PCDH15: variants seen among roughly 807,000 people sequenced by gnomAD.
The protein encoded by PCDH15 is protocadherin related 15, also known as protocadherin-15.
Under a neutral mutation model 178.5 loss-of-function variants are expected in PCDH15, and 129 were observed. The observed-to-expected ratio is 0.72, with a 90% confidence interval of 0.63 to 0.84. The LOEUF is 0.84. Among genes scored for constraint, PCDH15 ranks in the 40% least tolerant of loss-of-function variants. The probability of loss-of-function intolerance (pLI) is 0.00; values close to 1 mark genes in which losing one functional copy is unlikely to be tolerated. For missense variants in PCDH15, 2,230 were observed against 2,099.9 expected (o/e 1.06, Z -1.21); for synonymous variants, 800 against 732.0 (o/e 1.09, Z -1.50).
chr10:53,994,382 G>C (rs1487729012), intron 21 of PCDH15, among the ~76,000 whole-genome samples: 2 of 152,020 alleles, frequency 1.3e-5, no homozygotes, highest in African/African-American at 4.8e-5. Context: ...ATTTATTACA[G>C]AGTGTTATGG....
intron 9 of PCDH15, among the ~76,000 whole-genome samples, chr10:54,233,224 G>A (rs2054265776): frequency 6.6e-6 from 1 of 152,130 alleles, no homozygotes; most frequent in Admixed American, 6.6e-5. Context: ...AATTACATGT[G>A]TGAGTCACCA....
At chr10:55,185,798 T>C (rs1839783631) in intron 1 of PCDH15, among the ~76,000 whole-genome samples, 1 of 151,706 alleles carries the variant, frequency 6.6e-6, no homozygotes, top group South Asian at 2.1e-4. Flanking sequence ...ATATTGAGTT[T>C]TGTTATATGA....
chr10:54,623,213 T>C (rs1347100096), intron 2 of PCDH15, among the ~76,000 whole-genome samples: 1 of 152,086 alleles, frequency 6.6e-6, no homozygotes, highest in Non-Finnish European at 1.5e-5. Context: ...ACGACATCAA[T>C]TAATGAAGTA....
intron 9 of PCDH15, among the ~76,000 whole-genome samples, chr10:54,218,509 T>A (rs942036917): frequency 6.6e-6 from 1 of 151,250 alleles, no homozygotes; most frequent in Non-Finnish European, 1.5e-5. Context: ...GTTCTCTTTG[T>A]CTCTCTTTCT....
intron 2 of PCDH15, among the ~76,000 whole-genome samples, chr10:55,338,059 C>T (rs867229405): frequency 6.6e-6 from 1 of 152,058 alleles, no homozygotes; most frequent in South Asian, 2.1e-4. Flanking sequence ...AAAAAAAGCT[C>T]AACATTAATA....
chr10:53,810,222 G>A (rs2075816012), intron 37 of PCDH15, among the ~76,000 whole-genome samples: 1 of 152,056 alleles, frequency 6.6e-6, no homozygotes, highest in Non-Finnish European at 1.5e-5. Context: ...GATAATGTGG[G>A]AGCAAAAGTA....
At chr10:54,817,645 T>C (rs1049408551) in intron 3 of PCDH15, among the ~76,000 whole-genome samples, 50 of 151,994 alleles carry the variant, frequency 3.3e-4, no homozygotes, top group African/African-American at 1.2e-3. Context: ...ATCAAGTCAT[T>C]TGCATTAAAA....
intron 9 of PCDH15, among the ~76,000 whole-genome samples, chr10:54,234,009 C>A (rs565151883): frequency 6.6e-6 from 1 of 152,014 alleles, no homozygotes; most frequent in African/African-American, 2.4e-5. Context: ...GGAGAGGAGT[C>A]GTCCATGTGG....
chr10:54,523,945 A>T (rs77437239), intron 3 of PCDH15, among the ~76,000 whole-genome samples: 3,452 of 152,258 alleles, frequency 0.023, 125 homozygotes, highest in African/African-American at 0.078. Flanking sequence ...TAAGACCTCA[A>T]GAGAGCCCGT....
chr10:53,902,888 G>C (rs2082418515), intron 26 of PCDH15, among the ~76,000 whole-genome samples: 1 of 151,962 alleles, frequency 6.6e-6, no homozygotes, highest in African/African-American at 2.4e-5. Context: ...TCTTCTATTA[G>C]AAGTGGTAAT....
At chr10:55,103,132 TC>T (rs1333790655) in intron 2 of PCDH15, among the ~76,000 whole-genome samples, 1 of 151,630 alleles carries the variant, frequency 6.6e-6, no homozygotes, top group African/African-American at 2.4e-5. Context: ...TTTTTGCTTT[TC>T]CATTTCTCTA....
chr10:54,394,256 A>C (rs1341653171), intron 3 of PCDH15, among the ~76,000 whole-genome samples: 1 of 151,994 alleles, frequency 6.6e-6, no homozygotes, highest in Non-Finnish European at 1.5e-5. Flanking sequence ...TTATATGTAG[A>C]CTCCTTAGAA....
At chr10:55,278,070 A>G (rs747522582) in intron 1 of PCDH15, among the ~76,000 whole-genome samples, 1 of 152,198 alleles carries the variant, frequency 6.6e-6, no homozygotes, top group Non-Finnish European at 1.5e-5. Flanking sequence ...AGAAAAAGAT[A>G]CATCATAAAC....
intron 8 of PCDH15, 114 bp downstream of exon 8, chr10:54,317,157 T>G: frequency 9.3e-7 from 1 of 1,073,266 alleles, no homozygotes; most frequent in Non-Finnish European, 1.4e-6. Flanking sequence ...TATTTTTCAA[T>G]GTGCATATAC....
chr10:55,547,910 T>TGAGAGAGAGAGAGA (rs763752387), intron 2 of PCDH15, among the ~76,000 whole-genome samples: 43 of 54,502 alleles, frequency 7.9e-4, no homozygotes, highest in South Asian at 2.9e-3. Context: ...TGTGTGTGTG[T>TGAGAGAGAGAGAGA]GAGAGAGAGA....
Position 54,881,605 on chromosome 10 carries a change from C to T in PCDH15, c.-29+15845G>A, listed in dbSNP as rs1954262920. ...ATGCAAAGACTTCAAAGTTAATTTGCTAAGTGGGACATCACAATTAACACT... is the reference window on the plus strand; with the variant it reads ...ATGCAAAGACTTCAAAGTTAATTTGTTAAGTGGGACATCACAATTAACACT... On this transcript the variant is annotated intron_variant, in intron 3 of 5. Transcript: ENST00000458638. Among the ~76,000 whole-genome samples, 3 of 151,986 alleles carry T rather than the reference C, an allele frequency of 2.0e-5. No individual in the cohort carries two copies. In the South Asian group the frequency reaches 6.2e-4, roughly 32 times the overall value.
At chr10:55,270,053 T>C (rs550931825) in intron 1 of PCDH15, among the ~76,000 whole-genome samples, 2 of 152,284 alleles carry the variant, frequency 1.3e-5, no homozygotes, top group African/African-American at 4.8e-5. Context: ...ATTCAATAAA[T>C]GGTCCTGGGT....
chr10:54,670,346 C>A (rs2094640914), intron 1 of PCDH15, among the ~76,000 whole-genome samples: 1 of 152,088 alleles, frequency 6.6e-6, no homozygotes, highest in African/African-American at 2.4e-5. Context: ...AGTCCAAGCT[C>A]TGGCATTCTT....
intron 1 of PCDH15, among the ~76,000 whole-genome samples, chr10:55,198,312 G>T (rs952559580): frequency 4.6e-5 from 7 of 151,950 alleles, no homozygotes; most frequent in African/African-American, 1.7e-4. Flanking sequence ...TAATCCCCAC[G>T]TATTGGAGGA....
Sources: gnomAD v4.1 joint callset for allele counts (sites outside exome capture counted in the v4.1 genomes callset) on GRCh38, gnomAD v4.1.1 for gene constraint, MANE v1.5 for transcripts, NCBI Gene and HGNC (gene_info 2026-07-23, HGNC 2026-07-21) for gene names.